The following SUCO variants were observed in gnomAD, a reference collection of about 807,000 sequenced individuals.
The protein encoded by SUCO is SUN domain containing ossification factor.
Under a neutral mutation model 148.1 loss-of-function variants are expected in SUCO, and 57 were observed. The observed-to-expected ratio is 0.38, with a 90% CI of 0.31 to 0.48. The LOEUF (loss-of-function observed/expected upper bound fraction) is 0.48. SUCO is among the 20% of genes least tolerant of loss of function. SUCO has a pLI of 0.96. For missense variants in SUCO, 1,331 were observed against 1,468.2 expected, an observed-to-expected ratio of 0.91 and a Z score of 1.53; for synonymous variants, 470 against 502.7, an observed-to-expected ratio of 0.93 and a Z score of 0.87.
intron 15 of SUCO, among the ~76,000 whole-genome samples, chr1:172,582,991 A>C (rs1195885076): frequency 6.6e-6 from 1 of 152,192 alleles, no homozygotes; most frequent in East Asian, 1.9e-4. Context: ...TGAATGTCAA[A>C]AAATTCGAAA....
Position 172,562,084 on chromosome 1 carries a change from C to T in SUCO, c.732+4290C>T, listed in dbSNP as rs140851425. 9.0e-4 allele frequency among the ~76,000 whole-genome samples: 137 copies of T among 152,126 alleles called. 3 individuals are homozygous for T. In the East Asian group the frequency reaches 0.023, roughly 26 times the overall value. On this transcript the variant is annotated intron_variant, in intron 6 of 23. Transcript: ENST00000263688. Reference sequence around the variant, plus strand: ...TTACACATCAATAAAAAAACAACAGCATAGAATTAAGCTATACTGGAGGAA... The same window carrying T: ...TTACACATCAATAAAAAAACAACAGTATAGAATTAAGCTATACTGGAGGAA...
At chr1:172,532,663 T>C (rs755961737), upstream of SUCO, 2 of 1,614,002 alleles carry the variant, frequency 1.2e-6, no homozygotes, top group Non-Finnish European at 1.7e-6. Context: ...AGTCTCGTGG[T>C]GAGCAGCGAA....
At chr1:172,591,154 G>A (rs1218019041) in intron 19 of SUCO, 83 bp downstream of exon 19, 2 of 1,032,488 alleles carry the variant, frequency 1.9e-6, no homozygotes, top group South Asian at 3.4e-5. Flanking sequence ...AGTAAGTATT[G>A]TAGTTTCACT....
At chr1:172,570,622 ATTCCTTAAGTAATTTGT>A in intron 8 of SUCO, 24 bp from the exon 9 acceptor site, 3 of 1,301,362 alleles carry the variant, frequency 2.3e-6, no homozygotes, top group Non-Finnish European at 2.2e-6. Flanking sequence ...TTTCTTCATT[ATTCCTTAAGTAATTTGT>A]TTCCTTTCCT....
chr1:172,536,240 G>C (rs1652003130), intron 1 of SUCO, among the ~76,000 whole-genome samples: 1 of 151,156 alleles, frequency 6.6e-6, no homozygotes, highest in South Asian at 2.1e-4. Flanking sequence ...AACCTAGGCA[G>C]CACAGGCTCC....
At position 172,533,700 on chromosome 1, in the gene SUCO, ATT is replaced by A. The variant is rs1482939367; in HGVS notation, c.62+205_62+206del. On this transcript the variant is annotated intron_variant, in intron 1 of 23. Transcript: ENST00000263688. ...GGAGATTTTCATGGTGTATTTTGGAATTTACAGAGACTCAGTGGGAGAGAGAG... is the reference window on the plus strand; with the variant it reads ...GGAGATTTTCATGGTGTATTTTGGAATACAGAGACTCAGTGGGAGAGAGAG... 2.6e-5 allele frequency among the ~76,000 whole-genome samples: 4 copies of A among 152,124 alleles called. No individual in the cohort carries two copies. In the East Asian group the frequency reaches 7.7e-4, roughly 29 times the overall value.
Position 172,589,152 on chromosome 1 carries a change from A to G in SUCO, c.2051A>G (p.Glu684Gly). Residue 684 changes from glutamate to glycine, a missense_variant, in exon 18 of 24, where the codon GAA becomes GGA. Physicochemically the swap from Glu to Gly is moderately conservative, Grantham distance 98. This residue lies in a region of SUCO where 992 missense variants were observed against 1,093.5 expected (regional missense o/e 0.91). Transcript: ENST00000263688. ...DVSVLQPLSG[E>G]LENTNIEREA... is the part of the protein sequence containing the mutation. Reference sequence around the variant, plus strand: ...TCAGTATTGCAACCTCTGAGTGGAGAATTGGAAAATACGAATATAGAAAGG... The same window carrying G: ...TCAGTATTGCAACCTCTGAGTGGAGGATTGGAAAATACGAATATAGAAAGG... The G allele has an allele frequency of 6.2e-7, 1 of 1,613,862 alleles. No homozygotes were observed. Among genetic ancestry groups the G allele is most frequent in the Middle Eastern group, 1.7e-4 (1 of 6,060 alleles).
intron 22 of SUCO, among the ~76,000 whole-genome samples, chr1:172,605,277 GT>G (rs1479984279): frequency 6.6e-6 from 1 of 151,784 alleles, no homozygotes; most frequent in African/African-American, 2.4e-5. Flanking sequence ...CTTTTCCCCT[GT>G]TTTCTTCCAA....
rs531499782 is a variant in SUCO at position 172,610,550 on chromosome 1, G to C, written c.*291G>C. 8 of 258,388 alleles carry C rather than the reference G, an allele frequency of 3.1e-5. No individual in the cohort carries two copies. The South Asian group carries it at 9.3e-4, about 30-fold the overall frequency. The allele number at this position is 258,388 out of a possible 1,614,324, so 16.0% of individuals were successfully genotyped here. On this transcript the variant is annotated 3_prime_UTR_variant, in exon 24 of 24. Transcript: ENST00000263688. Reference sequence around the variant, plus strand: ...AGTAATTTGGAAGCCCAGTTCCTTAGGTGGGATAGGAATGAAAGCCTAAAC... The same window carrying C: ...AGTAATTTGGAAGCCCAGTTCCTTACGTGGGATAGGAATGAAAGCCTAAAC...
At chr1:172,588,299 A>G (rs945621118) in intron 17 of SUCO, 1 of 985,228 alleles carries the variant, frequency 1.0e-6, no homozygotes, top group East Asian at 1.1e-4. Context: ...ACTCATAAAT[A>G]TTAAGAATCC....
intron 1 of SUCO, among the ~76,000 whole-genome samples, chr1:172,547,834 T>C (rs1396536194): frequency 2.0e-5 from 3 of 152,164 alleles, no homozygotes; most frequent in Non-Finnish European, 4.4e-5. Flanking sequence ...ATTGTAGTTA[T>C]GCAAGAGAAT....
chr1:172,589,213 T>C lies in SUCO; in HGVS notation c.2112T>C (p.Ser704=). ...AETVVLGDLS[S]SMHQDDLVNH... ...CTGTTGTTCTGGGTGATTTAAGTAG[T>C]AGTATGCACCAGGATGACTTGGTGA... The change falls in exon 18 of 24, where the codon AGT becomes AGC. Residue 704 remains serine (S), a synonymous_variant. Transcript: ENST00000263688. 1 of 1,614,012 alleles carries C rather than the reference T, an allele frequency of 6.2e-7. No individual in the cohort carries two copies. The highest frequency in any genetic ancestry group is 8.5e-7 in the Non-Finnish European group (1 of 1,179,924).
At chr1:172,573,575 C>T (rs1655205173) in intron 9 of SUCO, among the ~76,000 whole-genome samples, 1 of 152,056 alleles carries the variant, frequency 6.6e-6, no homozygotes, top group Non-Finnish European at 1.5e-5. Context: ...AGTCATTTTA[C>T]ACTATCACTG....
intron 19 of SUCO, among the ~76,000 whole-genome samples, chr1:172,595,619 A>G (rs1417792968): frequency 6.6e-6 from 1 of 152,118 alleles, no homozygotes; most frequent in African/African-American, 2.4e-5. Flanking sequence ...CTCTCTTCTG[A>G]CTTGTAGAGT....
rs1273635009 is a variant in SUCO at position 172,578,402 on chromosome 1, A to T, written c.1432+13A>T. On this transcript the variant is annotated intron_variant, in intron 14 of 23. Coordinates refer to ENST00000263688, the MANE Select transcript of SUCO (RefSeq NM_014283.5). ...GATGAGGACTATGGTAAGTGACATC[A>T]AACAGATGACTGTTAGGTATATTTT... 2.5e-6 allele frequency: 4 copies of T among 1,600,732 alleles called. No homozygotes were observed. In the African/African-American group the frequency reaches 4.0e-5, roughly 16 times the overall value.
In SUCO at chr1:172,589,145, A is replaced by G. The variant is rs1343551157; in HGVS notation, c.2044A>G (p.Ser682Gly). 1 of 1,613,844 alleles carries G rather than the reference A, an allele frequency of 6.2e-7. No homozygotes were observed. Among genetic ancestry groups the G allele is most frequent in the South Asian group, 1.1e-5 (1 of 91,024 alleles). Reference sequence around the variant, plus strand: ...AGATGTTTCAGTATTGCAACCTCTGAGTGGAGAATTGGAAAATACGAATAT... The same window carrying G: ...AGATGTTTCAGTATTGCAACCTCTGGGTGGAGAATTGGAAAATACGAATAT... ...SVDVSVLQPLSGELENTNIER... is the reference protein window; with the variant it reads ...SVDVSVLQPLGGELENTNIER... The change falls in exon 18 of 24, where the codon AGT becomes GGT. Residue 682 changes from serine to glycine, a missense_variant. By Grantham distance (56) the Ser-to-Gly change is moderately conservative (BLOSUM62 0). Coordinates refer to ENST00000263688, the MANE Select transcript of SUCO (RefSeq NM_014283.5).
chr1:172,546,507 T>C (rs1409359658), intron 1 of SUCO, among the ~76,000 whole-genome samples: 1 of 152,220 alleles, frequency 6.6e-6, no homozygotes, highest in Non-Finnish European at 1.5e-5. Context: ...GTGATAAATA[T>C]GAAGGCCGTG....
intron 9 of SUCO, among the ~76,000 whole-genome samples, chr1:172,572,975 C>G (rs143278394): frequency 6.6e-6 from 1 of 151,912 alleles, no homozygotes; most frequent in African/African-American, 2.4e-5. Flanking sequence ...TTTTCCTAAG[C>G]AGCAATATTT....
chr1:172,557,124 G>A lies in SUCO; in HGVS notation c.444-156G>A, dbSNP rs1653810634. On this transcript the variant is annotated intron_variant, in intron 4 of 23. Transcript: ENST00000263688. ...GGTAAGTAGTTATTTAGAAGCTGAG[G>A]ACAATAACAGATCAAGTCAGCAATT... is the stretch of plus-strand genomic sequence containing the variant. The A allele has an allele frequency of 5.1e-6, 5 of 980,166 alleles. No homozygotes were observed. The South Asian group carries it at 2.4e-4, about 46-fold the overall frequency. The allele number at this position is 980,166 out of a possible 1,614,324, so 60.7% of individuals were successfully genotyped here. A position where few individuals can be genotyped will look rare whatever the true frequency, so the allele number is the denominator to read the frequency against.
Sources: gnomAD v4.1 joint callset for allele counts (sites outside exome capture counted in the v4.1 genomes callset) on GRCh38, gnomAD v4.1.1 for gene constraint, gnomAD v4.1.1 regional missense constraint, MANE v1.5 for transcripts, NCBI Gene and HGNC (gene_info 2026-07-23, HGNC 2026-07-21) for gene names.